CTNND2: variants seen among roughly 807,000 people sequenced by gnomAD.
The protein encoded by CTNND2 is catenin delta 2, also known as catenin delta-2.
A neutral mutation model predicts 144.4 loss-of-function variants in CTNND2; 22 were observed. That is an observed-to-expected ratio of 0.15 (90% confidence interval 0.11 to 0.22). The LOEUF (loss-of-function observed/expected upper bound fraction) is 0.22. CTNND2 is among the 10% of genes least tolerant of loss of function. The pLI is 1.00. For synonymous variants in CTNND2, 751 were observed against 695.6 expected (o/e 1.08, Z -1.25); for missense variants, 1,353 against 1,618.8 (o/e 0.84, Z 2.82).
chr5:11,210,901 C>G (rs558218169), intron 10 of CTNND2, among the ~76,000 whole-genome samples: 3 of 152,078 alleles, frequency 2.0e-5, no homozygotes, highest in Non-Finnish European at 4.4e-5. Flanking sequence ...AGTCAAGGAA[C>G]CTGTGGAGTC....
In CTNND2 at chr5:11,347,950, G is replaced by A. The variant is rs921156940; in HGVS notation, c.1373-1323C>T. Reference sequence around the variant, plus strand: ...AATGGGAGGAATACACTCTAATACCGAGGATTGACTTAAGAGTTCAGGGCT... The same window carrying A: ...AATGGGAGGAATACACTCTAATACCAAGGATTGACTTAAGAGTTCAGGGCT... On this transcript the variant is annotated intron_variant, in intron 8 of 21. Coordinates refer to ENST00000304623, the MANE Select transcript of CTNND2 (RefSeq NM_001332.4). 5.3e-5 allele frequency among the ~76,000 whole-genome samples: 8 copies of A among 152,274 alleles called. No homozygotes were observed. In the South Asian group the frequency reaches 6.2e-4, roughly 12 times the overall value.
chr5:11,057,500 G>C (rs62337245), intron 16 of CTNND2, among the ~76,000 whole-genome samples: 29,740 of 152,170 alleles, frequency 0.2, 3,422 homozygotes, highest in Non-Finnish European at 0.27. Context: ...GCTCCTCCTT[G>C]CCTTCCACCA....
intron 1 of CTNND2, among the ~76,000 whole-genome samples, chr5:11,796,119 C>T: frequency 6.6e-6 from 1 of 152,188 alleles, no homozygotes; most frequent in East Asian, 1.9e-4. Context: ...AGGTTCTCAG[C>T]ATTTAGGAAC....
intron 1 of CTNND2, among the ~76,000 whole-genome samples, chr5:11,779,930 C>T (rs1455072271): frequency 6.6e-6 from 1 of 152,202 alleles, no homozygotes; most frequent in Non-Finnish European, 1.5e-5. Flanking sequence ...AAGGACCTTT[C>T]CCTGCAACTG....
chr5:11,218,148 A>C (rs1739399176), intron 10 of CTNND2, among the ~76,000 whole-genome samples: 1 of 151,082 alleles, frequency 6.6e-6, no homozygotes, highest in East Asian at 1.9e-4. Context: ...CCCTGAATAT[A>C]AGATAGGATT....
intron 3 of CTNND2, among the ~76,000 whole-genome samples, chr5:11,421,059 G>GAA: frequency 6.6e-6 from 1 of 152,164 alleles, no homozygotes; most frequent in African/African-American, 2.4e-5. Context: ...GACCAAACTG[G>GAA]CTAAGACTAG....
intron 1 of CTNND2, among the ~76,000 whole-genome samples, chr5:11,883,795 C>A (rs890175389): frequency 6.6e-6 from 1 of 152,314 alleles, no homozygotes; most frequent in Admixed American, 6.5e-5. Context: ...ACACTCCCAA[C>A]AACAGTGTAA....
intron 16 of CTNND2, among the ~76,000 whole-genome samples, chr5:11,044,472 C>T (rs1181610002): frequency 3.3e-5 from 5 of 150,914 alleles, no homozygotes; most frequent in South Asian, 2.1e-4. Flanking sequence ...TTTCATAATC[C>T]GATATAAGCA....
At chr5:11,472,538 T>C (rs1767330094) in intron 3 of CTNND2, among the ~76,000 whole-genome samples, 1 of 152,302 alleles carries the variant, frequency 6.6e-6, no homozygotes, top group South Asian at 2.1e-4. Flanking sequence ...AACTTGCATC[T>C]TTTCAATATT....
chr5:11,052,845 C>G (rs1222782285), intron 16 of CTNND2, among the ~76,000 whole-genome samples: 1 of 152,046 alleles, frequency 6.6e-6, no homozygotes, highest in Non-Finnish European at 1.5e-5. Flanking sequence ...TTAAGTAACA[C>G]TAGAAAAATT....
intron 12 of CTNND2, among the ~76,000 whole-genome samples, chr5:11,136,966 T>C (rs559058463): frequency 6.6e-6 from 1 of 152,314 alleles, no homozygotes; most frequent in Admixed American, 6.5e-5. Flanking sequence ...TCTTTCACAA[T>C]TCCCACCCCA....
rs147773721 is a variant in CTNND2, at chr5:11,306,660, C to G, written c.1628+39712G>C. ...GACCTTGGGGACTGTTATGCAAGGC[C>G]CAACTATCTTTAAACTTTATGGATG... On this transcript the variant is annotated intron_variant, in intron 9 of 21. Coordinates refer to ENST00000304623, the MANE Select transcript of CTNND2 (RefSeq NM_001332.4). Among the ~76,000 whole-genome samples, 233 of 152,188 alleles carry G rather than the reference C, an allele frequency of 1.5e-3. 3 individuals carry two copies. Among genetic ancestry groups the G allele is most frequent in the East Asian group, 4.3e-3 (22 of 5,176 alleles).
rs150798122 is a variant in CTNND2 at position 11,397,058 on chromosome 5, G to A, written c.585C>T (p.Ala195=). The A allele has an allele frequency of 5.6e-6, 9 of 1,613,704 alleles. No homozygotes were observed. The African/African-American group carries it at 6.7e-5, about 12-fold the overall frequency. ...PSQLPARGTQ[A]RATGQSFSQG... ...GGCTGAAGCTCTGGCCCGTAGCTCG[G>A]GCTTGTGTGCCTCGGGCCGGGAGCT... Residue 195 remains alanine, a synonymous_variant, in exon 6 of 22, where the codon GCC becomes GCT. Coordinates refer to ENST00000304623, the MANE Select transcript of CTNND2 (RefSeq NM_001332.4).
At chr5:11,470,980 A>T (rs1416234786) in intron 3 of CTNND2, among the ~76,000 whole-genome samples, 1,561 of 91,446 alleles carry the variant, frequency 0.017, 66 homozygotes, top group African/African-American at 0.061. Flanking sequence ...ATATATATAT[A>T]TTTTTTTTTT....
intron 2 of CTNND2, among the ~76,000 whole-genome samples, chr5:11,615,306 C>A (rs1015709190): frequency 6.6e-6 from 1 of 152,108 alleles, no homozygotes; most frequent in Non-Finnish European, 1.5e-5. Context: ...GTGGTTATAA[C>A]TTTGAAGGAC....
intron 12 of CTNND2, among the ~76,000 whole-genome samples, chr5:11,122,510 C>T (rs1331414328): frequency 6.6e-6 from 1 of 151,950 alleles, no homozygotes; most frequent in Non-Finnish European, 1.5e-5. Context: ...GGTCTGGACT[C>T]CACTGGAGTT....
chr5:11,470,626 C>T (rs1767098400), intron 3 of CTNND2, among the ~76,000 whole-genome samples: 1 of 151,748 alleles, frequency 6.6e-6, no homozygotes, highest in Non-Finnish European at 1.5e-5. Flanking sequence ...TTTTTCTGTC[C>T]CACGACCCCC....
chr5:11,218,744 T>A (rs1739480193), intron 10 of CTNND2, among the ~76,000 whole-genome samples: 1 of 152,182 alleles, frequency 6.6e-6, no homozygotes, highest in Non-Finnish European at 1.5e-5. Flanking sequence ...TTTGGTCCAA[T>A]AAGCCATCTG....
rs961269830 is a variant in CTNND2, at chr5:11,612,247, A to T, written c.175-47191T>A. Reference sequence around the variant, plus strand: ...TGTGACTTTACAAAAGGAACATTTGAAGTGAAAAGTTTTGCTTAATTATAA... The same window carrying T: ...TGTGACTTTACAAAAGGAACATTTGTAGTGAAAAGTTTTGCTTAATTATAA... On this transcript the variant is annotated intron_variant, in intron 2 of 21. Coordinates refer to ENST00000304623, the MANE Select transcript of CTNND2 (RefSeq NM_001332.4). Among the ~76,000 whole-genome samples the T allele has an allele frequency of 5.9e-5, 9 of 152,350 alleles. No individual in the cohort carries two copies. The East Asian group carries it at 1.7e-3, about 29-fold the overall frequency.
Sources: gnomAD v4.1 joint callset for allele counts (sites outside exome capture counted in the v4.1 genomes callset) on GRCh38, gnomAD v4.1.1 for gene constraint, MANE v1.5 for transcripts, NCBI Gene and HGNC (gene_info 2026-07-23, HGNC 2026-07-21) for gene names.